The following ATP2B2 variants were observed in gnomAD, a reference collection of about 807,000 sequenced individuals.
ATP2B2 encodes the protein ATPase plasma membrane Ca2+ transporting 2.
ATP2B2 carries 15 observed loss-of-function variants against 120.0 expected under a neutral mutation model. The observed-to-expected ratio is 0.12, with a 90% CI of 0.08 to 0.19. The LOEUF (loss-of-function observed/expected upper bound fraction) is 0.19. Among genes scored for constraint, ATP2B2 ranks in the 10% least tolerant of loss-of-function variants. The pLI, the probability that ATP2B2 is intolerant of heterozygous loss-of-function variation, is 1.00. For synonymous variants in ATP2B2, 694 were observed against 700.3 expected, an observed-to-expected ratio of 0.99 and a Z score of 0.14; for missense variants, 1,045 against 1,719.8, an observed-to-expected ratio of 0.61 and a Z score of 6.94.
intron 8 of ATP2B2, among the ~76,000 whole-genome samples, chr3:10,384,805 C>T (rs1013059926): frequency 4.6e-5 from 7 of 152,246 alleles, no homozygotes; most frequent in Admixed American, 2.6e-4. Context: ...AGCTGAATCC[C>T]GGCCTGGGTC....
At chr3:10,494,354 C>G (rs1428422453) in intron 1 of ATP2B2, among the ~76,000 whole-genome samples, 3 of 152,126 alleles carry the variant, frequency 2.0e-5, no homozygotes, top group Non-Finnish European at 4.4e-5. Context: ...GAGGTTGGTA[C>G]TAGTATTTTT....
chr3:10,372,187 A>G, intron 11 of ATP2B2, 136 bp from the exon 12 acceptor site: 1 of 1,293,234 alleles, frequency 7.7e-7, no homozygotes, highest in Non-Finnish European at 1.1e-6. Context: ...CGGCACTTGT[A>G]AAGGATCTTG....
chr3:10,609,103 A>G (rs1431817857), intron 2 of ATP2B2, among the ~76,000 whole-genome samples: 1 of 152,180 alleles, frequency 6.6e-6, no homozygotes, highest in African/African-American at 2.4e-5. Flanking sequence ...TCCTCCTCCA[A>G]TCGAAACAGC....
intron 2 of ATP2B2, among the ~76,000 whole-genome samples, chr3:10,418,805 A>G (rs1404506300): frequency 6.6e-6 from 1 of 152,210 alleles, no homozygotes; most frequent in African/African-American, 2.4e-5. Flanking sequence ...TCCACTGCTC[A>G]GAGCTAGTGT....
At chr3:10,628,164 A>T (rs1193457842) in intron 1 of ATP2B2, among the ~76,000 whole-genome samples, 1 of 152,240 alleles carries the variant, frequency 6.6e-6, no homozygotes, top group Non-Finnish European at 1.5e-5. Flanking sequence ...GAGGCCCGAC[A>T]ACCCAGGGCC....
In ATP2B2 at chr3:10,389,997, C is replaced by T. The variant is rs532005766; in HGVS notation, c.782-1595G>A. Among the ~76,000 whole-genome samples, 4 of 152,246 alleles carry T rather than the reference C, an allele frequency of 2.6e-5. No individual in the cohort carries two copies. The South Asian group carries it at 8.3e-4, about 32-fold the overall frequency. On this transcript the variant is annotated intron_variant, in intron 5 of 22. Coordinates refer to ENST00000360273, the MANE Select transcript of ATP2B2 (RefSeq NM_001001331.4). ...GATGCTGGAAGGTTGGCTCTCCAGGCACACATTTTTTTTTCCTGTTTTTAT... is the reference window on the plus strand; with the variant it reads ...GATGCTGGAAGGTTGGCTCTCCAGGTACACATTTTTTTTTCCTGTTTTTAT...
chr3:10,598,208 T>C (rs2068817927), intron 2 of ATP2B2, among the ~76,000 whole-genome samples: 1 of 152,210 alleles, frequency 6.6e-6, no homozygotes, highest in Non-Finnish European at 1.5e-5. Flanking sequence ...TGAAGCTTGC[T>C]GCAGGGGTAT....
chr3:10,664,548 G>A (rs1011776948), intron 1 of ATP2B2, among the ~76,000 whole-genome samples: 10 of 152,284 alleles, frequency 6.6e-5, no homozygotes, highest in East Asian at 1.9e-4. Flanking sequence ...CGGCTTTTCC[G>A]CAGGTTACAC....
chr3:10,338,840 T>C (rs77282680), intron 21 of ATP2B2: 3,416 of 211,430 alleles, frequency 0.016, 109 homozygotes, highest in African/African-American at 0.057. Context: ...TGGCCCTCGG[T>C]TCTCCTGGGG....
At chr3:10,471,246 C>T (rs1220661609) in intron 1 of ATP2B2, among the ~76,000 whole-genome samples, 2 of 152,180 alleles carry the variant, frequency 1.3e-5, no homozygotes, top group African/African-American at 4.8e-5. Flanking sequence ...GCAGGAGACC[C>T]CCTCCCTGCC....
chr3:10,371,857 C>T lies in ATP2B2; in HGVS notation c.1611G>A (p.Leu537=). 2 of 1,614,194 alleles carry T rather than the reference C, an allele frequency of 1.2e-6. No homozygotes were observed. The highest frequency in any genetic ancestry group is 1.7e-6 in the Non-Finnish European group (2 of 1,180,036). ...PSSINTKTME[L]LINAIAINSA... is the part of the protein sequence containing the mutation. ...TGTTGATGGCGATGGCATTGATCAG[C>T]AGCTCCATGGTCTTGGTGTTGATGG... Residue 537 remains leucine (L), a synonymous_variant, in exon 12 of 23, where the codon CTG becomes CTA. Coordinates refer to ENST00000360273, the MANE Select transcript of ATP2B2 (RefSeq NM_001001331.4).
At chr3:10,503,773 A>C (rs1363055574) in intron 1 of ATP2B2, among the ~76,000 whole-genome samples, 1 of 152,230 alleles carries the variant, frequency 6.6e-6, no homozygotes, top group African/African-American at 2.4e-5. Context: ...TTGTTTTCAC[A>C]CCTGAGCCAG....
At chr3:10,703,239 C>T (rs2071845992) in intron 1 of ATP2B2, among the ~76,000 whole-genome samples, 1 of 152,210 alleles carries the variant, frequency 6.6e-6, no homozygotes, top group African/African-American at 2.4e-5. Context: ...GGATGGGCTA[C>T]AATCAGCGTC....
At position 10,338,304 on chromosome 3, in the gene ATP2B2, G is replaced by A. The variant is rs2060182748; in HGVS notation, c.3292C>T (p.Leu1098Phe). 6.2e-7 allele frequency: 1 copy of A among 1,614,066 alleles called. No individual in the cohort carries two copies. The highest frequency in any genetic ancestry group is 1.3e-5 in the African/African-American group (1 of 74,934). ...TCCGGGATCTCCTCCTTCTGTGTGA[G>A]CCTGCCTGCCTCCTTGAGGAACTTG... is the stretch of plus-strand genomic sequence containing the variant. ...RLKFLKEAGRLTQKEEIPEEE... is the reference protein window; with the variant it reads ...RLKFLKEAGRFTQKEEIPEEE... The change falls in exon 22 of 23, where the codon CTC (leucine) becomes TTC (phenylalanine). Residue 1098 changes from leucine (L) to phenylalanine (F), a missense_variant. This residue lies in a region of ATP2B2 where 211 missense variants were observed against 385.1 expected (regional missense o/e 0.55). Coordinates refer to ENST00000360273, the MANE Select transcript of ATP2B2 (RefSeq NM_001001331.4).
chr3:10,635,355 C>T lies in ATP2B2; in HGVS notation c.-459-15394G>A, dbSNP rs2069993237. ...AGTTCCAGTGGTTAGGAATGTTGCA[C>T]CCCAAGTAATCAGAAAACAGCTCTA... On this transcript the variant is annotated intron_variant, in intron 1 of 21. Coordinates refer to the ATP2B2 transcript ENST00000646379. This position sits in a 1 kb window ranked among gnomAD's most constrained non-coding sequence, Gnocchi z 4.3. Among the ~76,000 whole-genome samples the T allele has an allele frequency of 6.6e-6, 1 of 152,082 alleles. No individual in the cohort carries two copies. Among genetic ancestry groups the T allele is most frequent in the Admixed American group, 6.6e-5 (1 of 15,262 alleles).
chr3:10,445,092 T>C (rs2063793937), intron 2 of ATP2B2, among the ~76,000 whole-genome samples: 1 of 152,232 alleles, frequency 6.6e-6, no homozygotes, highest in Non-Finnish European at 1.5e-5. Context: ...TGCCTAATTC[T>C]TTCAAGGGGA....
At chr3:10,690,522 T>TCC in intron 1 of ATP2B2, among the ~76,000 whole-genome samples, 1 of 152,168 alleles carries the variant, frequency 6.6e-6, no homozygotes, top group Non-Finnish European at 1.5e-5. Flanking sequence ...TTCTCTCCAT[T>TCC]TTACAGATGA....
At chr3:10,530,423 G>A (rs1026056029) in intron 3 of ATP2B2, among the ~76,000 whole-genome samples, 2 of 152,190 alleles carry the variant, frequency 1.3e-5, no homozygotes, top group African/African-American at 4.8e-5. Context: ...GACGACCTGC[G>A]GCCGGAGTGT....
intron 22 of ATP2B2, chr3:10,332,185 GTCTTCATTTCTC>G (rs1358821268): frequency 2.8e-6 from 2 of 721,378 alleles, no homozygotes; most frequent in African/African-American, 3.5e-5. Context: ...CCTTTTTGTT[GTCTTCATTTCTC>G]CCCCTAACAG....
Sources: allele counts gnomAD v4.1 joint callset (sites outside exome capture counted in the v4.1 genomes callset), GRCh38; gene constraint gnomAD v4.1.1; regional missense constraint gnomAD v4.1.1; non-coding constraint Gnocchi (gnomAD v3.1); transcripts MANE v1.5; gene names NCBI Gene and HGNC (gene_info 2026-07-23, HGNC 2026-07-21).